RGS7BP: variants seen among roughly 807,000 people sequenced by gnomAD.
RGS7BP encodes regulator of G protein signaling 7-binding protein.
In RGS7BP, 9 loss-of-function variants were observed where a neutral mutation model predicts 31.3. The ratio of observed to expected loss-of-function variants is 0.29; its 90% CI spans 0.17 to 0.50. The LOEUF is 0.50. Ranked by LOEUF, RGS7BP falls within the 20% of genes least tolerant of loss-of-function variation. The pLI is 0.98. For missense variants in RGS7BP, 274 were observed against 322.0 expected, an observed-to-expected ratio of 0.85 and a Z score of 1.14; for synonymous variants, 115 against 120.1, an observed-to-expected ratio of 0.96 and a Z score of 0.28.
intron 2 of RGS7BP, among the ~76,000 whole-genome samples, chr5:64,546,420 T>A (rs978915513): frequency 2.6e-5 from 4 of 151,902 alleles, no homozygotes; most frequent in African/African-American, 9.7e-5. Flanking sequence ...AGTAGAGAAT[T>A]TCAAGGAGGA....
intron 2 of RGS7BP, among the ~76,000 whole-genome samples, chr5:64,569,584 T>C (rs1388792119): frequency 6.6e-6 from 1 of 152,132 alleles, no homozygotes; most frequent in Non-Finnish European, 1.5e-5. Flanking sequence ...AATAACTGGG[T>C]TTACACACAC....
intron 2 of RGS7BP, 108 bp from the exon 3 acceptor site, chr5:64,575,666 G>T: frequency 6.9e-7 from 1 of 1,452,466 alleles, no homozygotes; most frequent in South Asian, 1.5e-5. Flanking sequence ...TAGGATCAAG[G>T]CTTTAAGGAA....
intron 3 of RGS7BP, among the ~76,000 whole-genome samples, chr5:64,584,671 G>C (rs10068970): frequency 0.12 from 18,103 of 152,266 alleles, 1,251 homozygotes; most frequent in Non-Finnish European, 0.13. Context: ...GGGGGCTGTG[G>C]CAGTGCCACA....
At chr5:64,568,899 G>A (rs555529082) in intron 2 of RGS7BP, among the ~76,000 whole-genome samples, 42 of 149,088 alleles carry the variant, frequency 2.8e-4, no homozygotes, top group Non-Finnish European at 3.4e-4. Flanking sequence ...TCTCCCAACC[G>A]GGTCATGGGA....
At chr5:64,552,423 T>C (rs1261812515) in intron 2 of RGS7BP, among the ~76,000 whole-genome samples, 1 of 152,168 alleles carries the variant, frequency 6.6e-6, no homozygotes, top group African/African-American at 2.4e-5. Context: ...ATTTAACTTA[T>C]GAAGTAGAAA....
At chr5:64,522,878 A>G (rs953370011) in intron 2 of RGS7BP, among the ~76,000 whole-genome samples, 2 of 152,210 alleles carry the variant, frequency 1.3e-5, no homozygotes, top group Non-Finnish European at 2.9e-5. Context: ...GTGATCACAC[A>G]GTTCATTCCA....
intron 2 of RGS7BP, among the ~76,000 whole-genome samples, chr5:64,514,696 G>C (rs551505688): frequency 1.3e-5 from 2 of 152,266 alleles, no homozygotes; most frequent in Admixed American, 1.3e-4. Context: ...AGCTGGTGAG[G>C]CATCTAACAA....
chr5:64,518,230 A>T (rs1749022725), intron 2 of RGS7BP, among the ~76,000 whole-genome samples: 1 of 152,146 alleles, frequency 6.6e-6, no homozygotes. Flanking sequence ...TTCCTATGGG[A>T]AAATAGATTC....
At chr5:64,528,369 T>C (rs1001640482) in intron 2 of RGS7BP, among the ~76,000 whole-genome samples, 3 of 152,146 alleles carry the variant, frequency 2.0e-5, no homozygotes, top group Non-Finnish European at 4.4e-5. Flanking sequence ...GAAGATAAAA[T>C]AAGAGACATC....
Position 64,506,766 on chromosome 5 carries a change from C to G in RGS7BP, c.142C>G (p.Arg48Gly). 1 of 1,601,502 alleles carries G rather than the reference C, an allele frequency of 6.2e-7. No homozygotes were observed. Among genetic ancestry groups the G allele is most frequent in the Non-Finnish European group, 8.5e-7 (1 of 1,170,806 alleles). ...CTCCGAGAGCGCCCACAAAACCCAACGAGCCCTGGACGACTGCAAGATGGT... is the reference window on the plus strand; with the variant it reads ...CTCCGAGAGCGCCCACAAAACCCAAGGAGCCCTGGACGACTGCAAGATGGT... Reference protein sequence around the residue: ...SGSESAHKTQRALDDCKMLVQ... With the variant: ...SGSESAHKTQGALDDCKMLVQ... Residue 48 changes from arginine to glycine, a missense_variant, in exon 1 of 6, where the codon CGA (arginine) becomes GGA (glycine). Around this residue, in one of 3 missense-constraint regions of RGS7BP, gnomAD observed 149 missense variants for 152.6 expected, o/e 0.98. Coordinates refer to ENST00000334025, the MANE Select transcript of RGS7BP (RefSeq NM_001029875.3). The surrounding 1 kb of genome is among the most constrained non-coding windows in gnomAD (Gnocchi z 4.6).
intron 2 of RGS7BP, among the ~76,000 whole-genome samples, chr5:64,571,997 A>G (rs1742310816): frequency 6.6e-6 from 1 of 152,162 alleles, no homozygotes; most frequent in African/African-American, 2.4e-5. Context: ...GCTAACTCAT[A>G]AAACATATTT....
Position 64,556,885 on chromosome 5 carries a change from G to A in RGS7BP, c.333-18889G>A, listed in dbSNP as rs146555167. Reference sequence around the variant, plus strand: ...AAGAATAGAGTGCTGAGAGAAGAAAGGCATTTTGAGATTTGTATCTTTAAT... The same window carrying A: ...AAGAATAGAGTGCTGAGAGAAGAAAAGCATTTTGAGATTTGTATCTTTAAT... On this transcript the variant is annotated intron_variant, in intron 2 of 5. Coordinates refer to ENST00000334025, the MANE Select transcript of RGS7BP (RefSeq NM_001029875.3). 1.2e-3 allele frequency among the ~76,000 whole-genome samples: 175 copies of A among 151,922 alleles called. 1 individual carries two copies. Among genetic ancestry groups the A allele is most frequent in the African/African-American group, 4.0e-3 (166 of 41,456 alleles).
intron 2 of RGS7BP, among the ~76,000 whole-genome samples, chr5:64,540,608 C>A (rs1476325415): frequency 6.6e-6 from 1 of 152,050 alleles, no homozygotes; most frequent in Non-Finnish European, 1.5e-5. Context: ...GAGAGTATTA[C>A]TATATTGACC....
At chr5:64,591,320 CT>C (rs770231584) in intron 3 of RGS7BP, among the ~76,000 whole-genome samples, 24 of 151,840 alleles carry the variant, frequency 1.6e-4, no homozygotes, top group Non-Finnish European at 2.6e-4. Context: ...ACCTATACCC[CT>C]GAACTTAAAA....
At chr5:64,601,820 T>C (rs1222018525) in intron 5 of RGS7BP, among the ~76,000 whole-genome samples, 1 of 152,176 alleles carries the variant, frequency 6.6e-6, no homozygotes, top group Non-Finnish European at 1.5e-5. Flanking sequence ...GATTGGAAAG[T>C]GAAGGACAAG....
intron 4 of RGS7BP, among the ~76,000 whole-genome samples, chr5:64,597,696 G>C (rs1321388787): frequency 6.6e-6 from 1 of 151,674 alleles, no homozygotes; most frequent in Non-Finnish European, 1.5e-5. Context: ...GGAGCTAAAT[G>C]GTGGGTACAC....
Position 64,605,996 on chromosome 5 carries a change from TGCTATATATATGTATATCTGGATAC to T in RGS7BP, c.683-3164_683-3140del, listed in dbSNP as rs1561352590. On this transcript the variant is annotated intron_variant, in intron 5 of 5. Coordinates refer to ENST00000334025, the MANE Select transcript of RGS7BP (RefSeq NM_001029875.3). ...ATGTATATCTGGATACATATATATA[TGCTATATATATGTATATCTGGATAC>T]ATATATATATATATATATAGAGAGA... is the stretch of plus-strand genomic sequence containing the variant. Among the ~76,000 whole-genome samples the T allele has an allele frequency of 7.9e-3, 1,093 of 138,278 alleles. 22 individuals are homozygous for T. The highest frequency in any genetic ancestry group is 0.019 in the Middle Eastern group (5 of 268). 90.7% of individuals were successfully genotyped at this position (138,278 alleles called of 152,430 possible).
intron 5 of RGS7BP, among the ~76,000 whole-genome samples, chr5:64,606,351 A>G (rs924803591): frequency 2.6e-5 from 4 of 151,964 alleles, no homozygotes; most frequent in Non-Finnish European, 5.9e-5. Flanking sequence ...TGCATTCTAT[A>G]ATGTATAAAG....
At chr5:64,581,767 T>G (rs553421486) in intron 3 of RGS7BP, among the ~76,000 whole-genome samples, 5 of 152,346 alleles carry the variant, frequency 3.3e-5, no homozygotes, top group South Asian at 4.1e-4. Flanking sequence ...TGCACCATGC[T>G]TCTGAATTTT....
Sources: allele counts gnomAD v4.1 joint callset (sites outside exome capture counted in the v4.1 genomes callset), GRCh38; gene constraint gnomAD v4.1.1; regional missense constraint gnomAD v4.1.1; non-coding constraint Gnocchi (gnomAD v3.1); transcripts MANE v1.5; gene names NCBI Gene and HGNC (gene_info 2026-07-23, HGNC 2026-07-21).